ERG: variants seen among roughly 807,000 people sequenced by gnomAD.
The protein encoded by ERG is transcriptional regulator ERG.
A neutral mutation model predicts 55.3 loss-of-function variants in ERG; 9 were observed. The ratio of observed to expected loss-of-function variants is 0.16; its 90% CI spans 0.10 to 0.28. The LOEUF is 0.28. ERG is among the 10% of genes least tolerant of loss of function. The probability of loss-of-function intolerance (pLI) is 1.00; values close to 1 mark genes in which losing one functional copy is unlikely to be tolerated. For missense variants in ERG, 434 were observed against 631.6 expected, an observed-to-expected ratio of 0.69 and a Z score of 3.35; for synonymous variants, 223 against 237.3, an observed-to-expected ratio of 0.94 and a Z score of 0.55.
rs1444612483 is a variant in ERG, at chr21:38,382,089, AT to A, written c.*1313del. The stretch of plus-strand genomic sequence containing the variant: ...CATACATTCTGCATTCTAAGAACTA[AT>A]AACTTCATATTGTAAACATTAAGCA... On this transcript the variant is annotated 3_prime_UTR_variant, in exon 10 of 10. Coordinates refer to ENST00000288319, the MANE Select transcript of ERG (RefSeq NM_182918.4). 1.4e-5 allele frequency: 15 copies of A among 1,056,876 alleles called. No homozygotes were observed. The highest frequency in any genetic ancestry group is 1.6e-5 in the Non-Finnish European group (14 of 873,878). The allele number at this position is 1,056,876 out of a possible 1,614,324, so 65.5% of individuals were successfully genotyped here. A position where few individuals can be genotyped will look rare whatever the true frequency, so the allele number is the denominator to read the frequency against.
intron 1 of ERG, among the ~76,000 whole-genome samples, chr21:38,593,311 C>T (rs949783964): frequency 6.6e-6 from 1 of 152,230 alleles, no homozygotes; most frequent in Non-Finnish European, 1.5e-5. Context: ...TCCTGCTTTA[C>T]ACTGAGCCTT....
At chr21:38,436,822 T>C (rs1392385127) in intron 2 of ERG, among the ~76,000 whole-genome samples, 1 of 152,134 alleles carries the variant, frequency 6.6e-6, no homozygotes, top group East Asian at 1.9e-4. Context: ...ACTGAATGTG[T>C]CTTATGATCT....
At position 38,493,232 on chromosome 21, in the gene ERG, C is replaced by T. The variant is rs540174057; in HGVS notation, c.18+5131G>A. Among the ~76,000 whole-genome samples, 16 of 152,186 alleles carry T rather than the reference C, an allele frequency of 1.1e-4. No homozygotes were observed. The East Asian group carries it at 2.9e-3, about 28-fold the overall frequency. On this transcript the variant is annotated intron_variant, in intron 1 of 9. Transcript: ENST00000288319. The stretch of plus-strand genomic sequence containing the variant: ...AATATAATGAGTGAAACATCGCAAG[C>T]AGCATCACTTTATACACTAGGATAT...
intron 1 of ERG, among the ~76,000 whole-genome samples, chr21:38,478,856 C>A (rs1315454674): frequency 6.6e-6 from 1 of 152,140 alleles, no homozygotes; most frequent in African/African-American, 2.4e-5. Context: ...AATCATTTTT[C>A]ATAGGATGTA....
chr21:38,572,794 C>CCATATATTGACAACAA (rs879556170), intron 2 of ERG, among the ~76,000 whole-genome samples: 2 of 152,028 alleles, frequency 1.3e-5, no homozygotes, highest in Non-Finnish European at 2.9e-5. Flanking sequence ...TTGACATCAA[C>CCATATATTGACAACAA]CAATATGATG....
At chr21:38,455,148 A>T (rs2146580620) in intron 1 of ERG, among the ~76,000 whole-genome samples, 1 of 150,294 alleles carries the variant, frequency 6.7e-6, no homozygotes, top group South Asian at 2.1e-4. Context: ...AGAATAGCAC[A>T]AGGCACAAAG....
intron 1 of ERG, among the ~76,000 whole-genome samples, chr21:38,458,379 G>A (rs1423691434): frequency 1.3e-5 from 2 of 148,782 alleles, no homozygotes; most frequent in African/African-American, 2.5e-5. Context: ...AGCTGAGGTT[G>A]CGCCACTGCA....
chr21:38,580,244 C>T (rs995628937), intron 1 of ERG, among the ~76,000 whole-genome samples: 13 of 152,250 alleles, frequency 8.5e-5, no homozygotes, highest in African/African-American at 3.1e-4. Flanking sequence ...TGAGCCACCA[C>T]ACCTGGCCCT....
chr21:38,625,311 T>G (rs909932639), intron 1 of ERG, among the ~76,000 whole-genome samples: 43 of 152,342 alleles, frequency 2.8e-4, no homozygotes, highest in African/African-American at 1.0e-3. Flanking sequence ...GGTAAAGGTT[T>G]GAAGAACAGA....
chr21:38,618,432 C>T (rs1230300670), intron 1 of ERG, among the ~76,000 whole-genome samples: 6 of 152,160 alleles, frequency 3.9e-5, no homozygotes, highest in Non-Finnish European at 8.8e-5. Flanking sequence ...AGCAGATTGA[C>T]TCTAATAGAC....
At chr21:38,464,790 C>T (rs1004913977) in intron 1 of ERG, among the ~76,000 whole-genome samples, 11 of 151,770 alleles carry the variant, frequency 7.2e-5, no homozygotes, top group African/African-American at 2.7e-4. Context: ...GATCATCTCC[C>T]ACTTATTAGT....
At chr21:38,590,894 T>C (rs1271506134) in intron 1 of ERG, among the ~76,000 whole-genome samples, 1 of 152,242 alleles carries the variant, frequency 6.6e-6, no homozygotes, top group Admixed American at 6.5e-5. Context: ...GTAGCTTGGT[T>C]GAGCATGACA....
At chr21:38,518,672 T>C (rs1342061730) in intron 2 of ERG, among the ~76,000 whole-genome samples, 2 of 152,008 alleles carry the variant, frequency 1.3e-5, no homozygotes, top group Non-Finnish European at 2.9e-5. Context: ...GCAAAAACTA[T>C]GAAGTTTCTG....
chr21:38,619,999 T>TG (rs1455972999), intron 1 of ERG, among the ~76,000 whole-genome samples: 1 of 152,252 alleles, frequency 6.6e-6, no homozygotes, highest in Non-Finnish European at 1.5e-5. Context: ...TTTGCACACT[T>TG]GAATGGGAAA....
At chr21:38,426,362 A>G (rs1360051511) in intron 2 of ERG, among the ~76,000 whole-genome samples, 3 of 152,156 alleles carry the variant, frequency 2.0e-5, no homozygotes, top group African/African-American at 7.2e-5. Flanking sequence ...AGTAGAGTGT[A>G]TATGTTTTGG....
At chr21:38,517,497 C>G (rs2059560793) in intron 2 of ERG, among the ~76,000 whole-genome samples, 1 of 151,940 alleles carries the variant, frequency 6.6e-6, no homozygotes, top group Non-Finnish European at 1.5e-5. Flanking sequence ...GGGAACTCTT[C>G]TACACTGTGA....
At chr21:38,404,813 T>A (rs1371555624) in intron 3 of ERG, among the ~76,000 whole-genome samples, 1 of 152,208 alleles carries the variant, frequency 6.6e-6, no homozygotes, top group Non-Finnish European at 1.5e-5. Flanking sequence ...GGAGTCACAT[T>A]TTAGCTAATA....
upstream of ERG, among the ~76,000 whole-genome samples, chr21:38,587,986 C>T (rs753081076): frequency 3.3e-5 from 5 of 152,038 alleles, no homozygotes; most frequent in Non-Finnish European, 7.4e-5. Flanking sequence ...AGCATTATGG[C>T]GTTATTAATA....
At chr21:38,488,412 A>G (rs1486975496) in intron 1 of ERG, among the ~76,000 whole-genome samples, 1 of 152,036 alleles carries the variant, frequency 6.6e-6, no homozygotes, top group Non-Finnish European at 1.5e-5. Flanking sequence ...TTTATTGTTC[A>G]GTGTTATTGT....
Sources: allele counts gnomAD v4.1 joint callset (sites outside exome capture counted in the v4.1 genomes callset), GRCh38; gene constraint gnomAD v4.1.1; transcripts MANE v1.5; gene names NCBI Gene and HGNC (gene_info 2026-07-23, HGNC 2026-07-21).